The following HSPA9 variants were observed in gnomAD, a reference collection of about 807,000 sequenced individuals.
The protein encoded by HSPA9 is stress-70 protein, mitochondrial.
Under a neutral mutation model 81.5 loss-of-function variants are expected in HSPA9, and 28 were observed. The ratio of observed to expected loss-of-function variants is 0.34; its 90% CI spans 0.25 to 0.47. The LOEUF (loss-of-function observed/expected upper bound fraction) is 0.47. Ranked by LOEUF, HSPA9 falls within the 20% of genes least tolerant of loss-of-function variation. The pLI is 1.00. For synonymous variants in HSPA9, 293 were observed against 290.4 expected, an observed-to-expected ratio of 1.01 and a Z score of -0.09; for missense variants, 678 against 838.0, an observed-to-expected ratio of 0.81 and a Z score of 2.36.
intron 9 of HSPA9, among the ~76,000 whole-genome samples, chr5:138,564,973 ATCTGT>A (rs1750733550): frequency 1.3e-5 from 2 of 152,240 alleles, no homozygotes; most frequent in Admixed American, 6.5e-5. Flanking sequence ...ACGTTTACTA[ATCTGT>A]TCTAATTAAT....
intron 11 of HSPA9, 38 bp downstream of exon 11, chr5:138,559,826 A>C: frequency 7.2e-7 from 1 of 1,387,236 alleles, no homozygotes; most frequent in Non-Finnish European, 1.0e-6. Flanking sequence ...CATAGAACCT[A>C]AAACCCATGT....
At chr5:138,570,839 G>A (rs1419801750) in intron 4 of HSPA9, 121 bp downstream of exon 4, 5 of 929,758 alleles carry the variant, frequency 5.4e-6, no homozygotes, top group Non-Finnish European at 8.9e-6. Context: ...ATTTCCCCTA[G>A]GGACAATAAG....
chr5:138,570,538 G>A (rs968396756), intron 4 of HSPA9, among the ~76,000 whole-genome samples: 15 of 152,288 alleles, frequency 9.8e-5, no homozygotes, highest in African/African-American at 3.6e-4. Context: ...AGGCTGGAGT[G>A]CAGTGGCAGT....
chr5:138,562,015 T>C (rs990355350), intron 9 of HSPA9, among the ~76,000 whole-genome samples: 17 of 151,662 alleles, frequency 1.1e-4, no homozygotes, highest in South Asian at 8.3e-4. Context: ...CTTGGCTCAC[T>C]GCAACCTCCG....
intron 4 of HSPA9, among the ~76,000 whole-genome samples, chr5:138,569,896 GTTT>G (rs11368588): frequency 1.4e-5 from 2 of 144,958 alleles, no homozygotes; most frequent in Non-Finnish European, 3.0e-5. Context: ...TATGCTTCTA[GTTT>G]TTTTTTTTTT....
intron 10 of HSPA9, 139 bp downstream of exon 10, chr5:138,561,441 G>T (rs537476675): frequency 6.0e-4 from 435 of 720,966 alleles, no homozygotes; most frequent in Non-Finnish European, 9.0e-4. Context: ...AAACAGAAAA[G>T]AATTCTTTAG....
chr5:138,569,151 A>C, intron 4 of HSPA9, 102 bp from the exon 5 acceptor site: 27 of 1,060,678 alleles, frequency 2.5e-5, no homozygotes, highest in Non-Finnish European at 3.9e-5. Context: ...CAAGAGACTC[A>C]TTCATGGCCA....
intron 3 of HSPA9, 26 bp from the exon 4 acceptor site, chr5:138,571,167 G>T (rs767271285): frequency 6.2e-7 from 1 of 1,609,652 alleles, no homozygotes; most frequent in East Asian, 2.2e-5. Flanking sequence ...GTGATAGAGA[G>T]TAAGTTTGTA....
intron 11 of HSPA9, chr5:138,559,159 G>A (rs1319805796): frequency 5.0e-6 from 1 of 198,678 alleles, no homozygotes; most frequent in African/African-American, 2.4e-5. Context: ...AGGCTGGAGT[G>A]CAGTGGCATG....
In HSPA9 at chr5:138,564,277, T is replaced by C. The variant is rs1033892139; in HGVS notation, c.972+2349A>G. ...TGCAACCACACTTGGCTAATTTTTG[T>C]ATTTTTAGTAGAGACACGGTTTCAC... On this transcript the variant is annotated intron_variant, in intron 9 of 16. Coordinates refer to ENST00000297185, the MANE Select transcript of HSPA9 (RefSeq NM_004134.7). Among the ~76,000 whole-genome samples, 3 of 152,162 alleles carry C rather than the reference T, an allele frequency of 2.0e-5. No individual in the cohort carries two copies. In the East Asian group the frequency reaches 5.8e-4, roughly 29 times the overall value.
intron 3 of HSPA9, among the ~76,000 whole-genome samples, chr5:138,571,963 T>TTTTTTC (rs1253448448): frequency 1.4e-5 from 2 of 139,410 alleles, no homozygotes; most frequent in Admixed American, 7.2e-5. Flanking sequence ...CGCCTGGCTT[T>TTTTTTC]TTTTTTTTTT....
chr5:138,559,081 G>A, intron 11 of HSPA9: 1 of 196,342 alleles, frequency 5.1e-6, no homozygotes, highest in Non-Finnish European at 1.1e-5. Context: ...AACATCACAA[G>A]ATTGGGTAAG....
chr5:138,566,970 C>T (rs770574655), intron 8 of HSPA9, 31 bp downstream of exon 8: 53 of 1,604,152 alleles, frequency 3.3e-5, no homozygotes, highest in Middle Eastern at 2.1e-4. Flanking sequence ...AATATCCCAA[C>T]GTCTACATAT....
Position 138,556,802 on chromosome 5 carries a change from T to G in HSPA9, c.1793A>C (p.Glu598Ala), listed in dbSNP as rs971782256. ...ATCAGCAGGTAATTGGTCCTTGAAT[T>G]CTTCCATCTTGGTTTCTGTGTCGTG... ...IIHDTETKME[E>A]FKDQLPADEC... Residue 598 changes from glutamate (E) to alanine (A), a missense_variant, in exon 15 of 17, where the codon GAA becomes GCA. Coordinates refer to ENST00000297185, the MANE Select transcript of HSPA9 (RefSeq NM_004134.7). The G allele has an allele frequency of 1.9e-6, 3 of 1,613,910 alleles. No homozygotes were observed. Among genetic ancestry groups the G allele is most frequent in the Non-Finnish European group, 2.5e-6 (3 of 1,179,780 alleles).
chr5:138,564,970 C>T (rs573872492), intron 9 of HSPA9, among the ~76,000 whole-genome samples: 120 of 152,298 alleles, frequency 7.9e-4, no homozygotes, highest in African/African-American at 2.7e-3. Flanking sequence ...TTAACGTTTA[C>T]TAATCTGTTC....
chr5:138,556,317 G>A (rs1027833556), intron 16 of HSPA9, 135 bp downstream of exon 16: 22 of 1,197,870 alleles, frequency 1.8e-5, no homozygotes, highest in African/African-American at 3.0e-5. Flanking sequence ...GAGTCAAGAC[G>A]GCAGGAGACT....
At chr5:138,560,203 A>C in intron 10 of HSPA9, 112 bp from the exon 11 acceptor site, 1 of 756,948 alleles carries the variant, frequency 1.3e-6, no homozygotes, top group Non-Finnish European at 2.3e-6. Flanking sequence ...AGGCTAACTC[A>C]AATCTGAGAA....
In HSPA9 at chr5:138,556,524, T is replaced by G; in HGVS notation, c.1890A>C (p.Gly630=). The G allele has an allele frequency of 6.2e-7, 1 of 1,614,110 alleles. No individual in the cohort carries two copies. The highest frequency in any genetic ancestry group is 8.5e-7 in the Non-Finnish European group (1 of 1,179,966). Residue 630 remains glycine, a synonymous_variant, in exon 16 of 17, where the codon GGA becomes GGC. Transcript: ENST00000297185. The part of the protein sequence containing the change: ...ELLARKDSET[G]ENIRQAASSL... The stretch of plus-strand genomic sequence containing the variant: ...AGGATGCTGCCTGTCTAATATTTTC[T>G]CCTGTTTCGCTGTCTTTTCTAGCCA...
chr5:138,574,427 C>G (rs1344870321), intron 1 of HSPA9, among the ~76,000 whole-genome samples: 2 of 152,170 alleles, frequency 1.3e-5, no homozygotes, highest in African/African-American at 4.8e-5. Context: ...AACCAATAAG[C>G]ACCCCAGTAA....
Sources: gnomAD v4.1 joint callset for allele counts (sites outside exome capture counted in the v4.1 genomes callset) on GRCh38, gnomAD v4.1.1 for gene constraint, MANE v1.5 for transcripts, NCBI Gene and HGNC (gene_info 2026-07-23, HGNC 2026-07-21) for gene names.